MALRD1: variants seen among roughly 807,000 people sequenced by gnomAD.
MALRD1 encodes MAM and LDL receptor class A domain containing 1, also known as MAM and LDL-receptor class A domain-containing protein 1.
In MALRD1, 247 loss-of-function variants were observed where a neutral mutation model predicts 242.1. The ratio of observed to expected loss-of-function variants is 1.02; its 90% CI spans 0.92 to 1.13. The LOEUF (loss-of-function observed/expected upper bound fraction) is 1.13. Ranked by LOEUF, MALRD1 falls within the 50% of genes most tolerant of loss-of-function variation. MALRD1 has a pLI of 0.00. For synonymous variants in MALRD1, 995 were observed against 866.6 expected, an observed-to-expected ratio of 1.15 and a Z score of -2.60; for missense variants, 2,989 against 2,533.1, an observed-to-expected ratio of 1.18 and a Z score of -3.86.
intron 19 of MALRD1, among the ~76,000 whole-genome samples, chr10:19,263,054 C>G (rs758970990): frequency 5.3e-5 from 8 of 152,126 alleles, no homozygotes; most frequent in Non-Finnish European, 1.2e-4. Context: ...TAAGTTGTTT[C>G]CCTATTGTGG....
chr10:19,567,401 C>A, intron 32 of MALRD1, 101 bp from the exon 33 acceptor site: 1 of 977,954 alleles, frequency 1.0e-6, no homozygotes, highest in Non-Finnish European at 1.5e-6. Flanking sequence ...ATGTATTGAG[C>A]TGTTACATAG....
At chr10:19,369,149 A>ATAT (rs2130737832) in intron 26 of MALRD1, among the ~76,000 whole-genome samples, 1 of 136,284 alleles carries the variant, frequency 7.3e-6, no homozygotes, top group Non-Finnish European at 1.5e-5. Context: ...ATTTAATATT[A>ATAT]TATATAAACT....
intron 26 of MALRD1, among the ~76,000 whole-genome samples, chr10:19,384,684 A>G (rs1266800973): frequency 4.4e-5 from 6 of 137,198 alleles, no homozygotes; most frequent in South Asian, 2.1e-4. Flanking sequence ...TATAATATAT[A>G]GTATAGATAA....
intron 12 of MALRD1, among the ~76,000 whole-genome samples, chr10:19,161,549 G>GAAAAAAAAAAAAAAAAAA (rs1491548638): frequency 8.7e-5 from 1 of 11,510 alleles, no homozygotes; most frequent in Non-Finnish European, 1.5e-4. Flanking sequence ...GAAAAAAAAA[G>GAAAAAAAAAAAAAAAAAA]CAAAAAAAAA....
At chr10:19,373,990 T>C (rs1344574523) in intron 26 of MALRD1, among the ~76,000 whole-genome samples, 1 of 152,224 alleles carries the variant, frequency 6.6e-6, no homozygotes, top group African/African-American at 2.4e-5. Context: ...TTTACTGCTC[T>C]CTTAGCATAA....
intron 11 of MALRD1, among the ~76,000 whole-genome samples, chr10:19,152,928 A>T (rs920677366): frequency 3.3e-5 from 5 of 152,162 alleles, no homozygotes; most frequent in African/African-American, 9.7e-5. Context: ...GTCATTTCCC[A>T]TTTTAATTAA....
At chr10:19,493,546 A>G (rs1305415951) in intron 30 of MALRD1, among the ~76,000 whole-genome samples, 1 of 151,804 alleles carries the variant, frequency 6.6e-6, no homozygotes, top group African/African-American at 2.4e-5. Flanking sequence ...GCAGTGGCTC[A>G]CACCTGTAGT....
intron 19 of MALRD1, among the ~76,000 whole-genome samples, chr10:19,270,626 G>A (rs1840184875): frequency 6.6e-6 from 1 of 152,046 alleles, no homozygotes; most frequent in Non-Finnish European, 1.5e-5. Flanking sequence ...AAGGGGAGAG[G>A]AGAGCCAGAA....
chr10:19,247,497 G>A (rs563184253), intron 18 of MALRD1, among the ~76,000 whole-genome samples: 5 of 151,900 alleles, frequency 3.3e-5, no homozygotes, highest in African/African-American at 1.2e-4. Context: ...ATTGTAAGGA[G>A]AAACGTATGT....
At chr10:19,355,751 C>T (rs1411347044) in intron 26 of MALRD1, among the ~76,000 whole-genome samples, 1 of 149,526 alleles carries the variant, frequency 6.7e-6, no homozygotes, top group South Asian at 2.1e-4. Flanking sequence ...GGTTTAGAGA[C>T]TCAAGCTGCG....
At chr10:19,067,636 A>G (rs911521892) in intron 2 of MALRD1, among the ~76,000 whole-genome samples, 1 of 152,116 alleles carries the variant, frequency 6.6e-6, no homozygotes, top group African/African-American at 2.4e-5. Context: ...TAAATATTAC[A>G]CATGCAGATT....
At chr10:19,338,074 A>G (rs1304976277) in intron 24 of MALRD1, among the ~76,000 whole-genome samples, 1 of 147,846 alleles carries the variant, frequency 6.8e-6, no homozygotes, top group Non-Finnish European at 1.5e-5. Context: ...AAAAAAAAAA[A>G]AGAAAGAAAG....
chr10:19,695,919 CATA>C (rs1397411026), intron 38 of MALRD1, among the ~76,000 whole-genome samples: 2 of 152,204 alleles, frequency 1.3e-5, no homozygotes, highest in East Asian at 3.9e-4. Flanking sequence ...TAATCACTAT[CATA>C]AGAACAGCAT....
At chr10:19,108,620 T>C (rs1225644834) in intron 5 of MALRD1, among the ~76,000 whole-genome samples, 1 of 81,268 alleles carries the variant, frequency 1.2e-5, no homozygotes, top group Admixed American at 1.3e-4. Flanking sequence ...GGTTTCACCT[T>C]GTTAGCCAGG....
intron 14 of MALRD1, among the ~76,000 whole-genome samples, chr10:19,197,148 C>G (rs922432305): frequency 6.6e-6 from 1 of 152,070 alleles, no homozygotes; most frequent in African/African-American, 2.4e-5. Context: ...ACCATCAGCT[C>G]TCATGAGAAT....
chr10:19,603,296 A>G (rs1329094268), intron 34 of MALRD1, among the ~76,000 whole-genome samples: 2 of 152,144 alleles, frequency 1.3e-5, no homozygotes, highest in African/African-American at 4.8e-5. Context: ...GGAATTGCCT[A>G]GGTTTTCTTC....
intron 14 of MALRD1, among the ~76,000 whole-genome samples, chr10:19,176,564 C>T (rs950789985): frequency 2.0e-5 from 3 of 149,168 alleles, no homozygotes; most frequent in Non-Finnish European, 3.0e-5. Flanking sequence ...TTAGTAGAGA[C>T]GGGGTTTCAC....
At chr10:19,423,100 A>T (rs891108687) in intron 28 of MALRD1, among the ~76,000 whole-genome samples, 122 of 152,270 alleles carry the variant, frequency 8.0e-4, no homozygotes, top group African/African-American at 2.9e-3. Context: ...AAAATGTGCT[A>T]ATTCCAATTT....
intron 38 of MALRD1, among the ~76,000 whole-genome samples, chr10:19,711,454 G>A (rs963618186): frequency 6.6e-6 from 1 of 152,158 alleles, no homozygotes; most frequent in African/African-American, 2.4e-5. Flanking sequence ...ATATATAAAA[G>A]CAAATAATCT....
Sources: allele counts gnomAD v4.1 joint callset (sites outside exome capture counted in the v4.1 genomes callset), GRCh38; gene constraint gnomAD v4.1.1; transcripts MANE v1.5; gene names NCBI Gene and HGNC (gene_info 2026-07-23, HGNC 2026-07-21).